Variants in ERICH3 observed in about 807,000 individuals in gnomAD.
The protein encoded by ERICH3 is glutamate rich 3.
A neutral mutation model predicts 131.1 loss-of-function variants in ERICH3; 126 were observed. The ratio of observed to expected loss-of-function variants is 0.96; its 90% CI spans 0.83 to 1.11. The LOEUF is 1.11. ERICH3 is among the 50% of genes most tolerant of loss of function. The pLI is 0.00. For missense variants in ERICH3, 2,050 were observed against 1,810.7 expected, an observed-to-expected ratio of 1.13 and a Z score of -2.40; for synonymous variants, 695 against 644.6, an observed-to-expected ratio of 1.08 and a Z score of -1.18.
At chr1:74,590,973 T>A (rs758487708) in intron 11 of ERICH3, among the ~76,000 whole-genome samples, 13 of 152,170 alleles carry the variant, frequency 8.5e-5, no homozygotes, top group East Asian at 1.9e-4. Context: ...AAGCTTTTTT[T>A]AAAAAAATTT....
intron 9 of ERICH3, among the ~76,000 whole-genome samples, chr1:74,609,304 C>A (rs699849): frequency 0.15 from 22,746 of 151,946 alleles, 1,876 homozygotes; most frequent in East Asian, 0.27. Flanking sequence ...ATATAATTCT[C>A]TGTTGTTTTA....
intron 1 of ERICH3, among the ~76,000 whole-genome samples, chr1:74,658,957 T>G (rs79796083): frequency 3.0e-3 from 461 of 152,326 alleles, no homozygotes; most frequent in African/African-American, 0.011. Flanking sequence ...CATGACACTC[T>G]TAGTTGCTAT....
intron 12 of ERICH3, among the ~76,000 whole-genome samples, chr1:74,583,220 G>T (rs1253344181): frequency 3.9e-5 from 6 of 152,028 alleles, no homozygotes; most frequent in Admixed American, 6.6e-5. Flanking sequence ...GGCTTCAGGG[G>T]TTTTGTTTGT....
At chr1:74,627,408 A>C (rs1034195008) in intron 7 of ERICH3, among the ~76,000 whole-genome samples, 2 of 152,130 alleles carry the variant, frequency 1.3e-5, no homozygotes, top group African/African-American at 4.8e-5. Flanking sequence ...AATTAATAGC[A>C]TAAAATTCTA....
intron 11 of ERICH3, among the ~76,000 whole-genome samples, chr1:74,593,736 A>G (rs1040965125): frequency 6.6e-6 from 1 of 152,136 alleles, no homozygotes; most frequent in African/African-American, 2.4e-5. Context: ...AATCCTATGA[A>G]ATAATAATTA....
intron 12 of ERICH3, 52 bp from the exon 13 acceptor site, chr1:74,576,988 T>C: frequency 3.3e-6 from 5 of 1,501,208 alleles, no homozygotes; most frequent in South Asian, 1.2e-5. Context: ...CACTGTGAAA[T>C]GTACCATGGT....
chr1:74,637,446 C>T (rs1056910927), intron 5 of ERICH3, among the ~76,000 whole-genome samples: 4 of 152,106 alleles, frequency 2.6e-5, no homozygotes, highest in Non-Finnish European at 5.9e-5. Flanking sequence ...TACTTCTTTG[C>T]AAATAGCTTT....
chr1:74,614,313 T>C (rs1009993201), intron 8 of ERICH3, among the ~76,000 whole-genome samples: 1 of 151,510 alleles, frequency 6.6e-6, no homozygotes, highest in African/African-American at 2.4e-5. Flanking sequence ...GAATTATTAT[T>C]TTAATCTATT....
intron 2 of ERICH3, among the ~76,000 whole-genome samples, chr1:74,647,743 T>G (rs2100640894): frequency 6.6e-6 from 1 of 152,298 alleles, no homozygotes; most frequent in South Asian, 2.1e-4. Context: ...TTCTGCTAAC[T>G]GTAGTTTTTA....
At chr1:74,583,570 A>T (rs1438809308) in intron 12 of ERICH3, among the ~76,000 whole-genome samples, 1 of 152,086 alleles carries the variant, frequency 6.6e-6, no homozygotes, top group African/African-American at 2.4e-5. Context: ...AGTAACTGAA[A>T]CTTCAGATAA....
intron 10 of ERICH3, among the ~76,000 whole-genome samples, chr1:74,600,684 G>A (rs1482943288): frequency 6.6e-6 from 1 of 151,674 alleles, no homozygotes; most frequent in South Asian, 2.1e-4. Flanking sequence ...GCTGTCCCTC[G>A]TGGTTATAAT....
chr1:74,660,243 C>T (rs1283647278), intron 1 of ERICH3, among the ~76,000 whole-genome samples: 1 of 152,030 alleles, frequency 6.6e-6, no homozygotes, highest in Non-Finnish European at 1.5e-5. Context: ...TGAGACCTTA[C>T]CAGGAACCTC....
At chr1:74,589,379 T>C in intron 12 of ERICH3, 2 of 549,526 alleles carry the variant, frequency 3.6e-6, no homozygotes, top group South Asian at 2.9e-5. Context: ...GGAATTCCCA[T>C]AGGAGGGAAT....
chr1:74,651,941 T>C (rs554755172), intron 1 of ERICH3, among the ~76,000 whole-genome samples: 1 of 152,264 alleles, frequency 6.6e-6, no homozygotes, highest in African/African-American at 2.4e-5. Context: ...CTAACAAATG[T>C]GTGCACGATG....
chr1:74,619,826 G>A (rs1030979261), intron 8 of ERICH3, among the ~76,000 whole-genome samples: 1 of 152,188 alleles, frequency 6.6e-6, no homozygotes, highest in Non-Finnish European at 1.5e-5. Flanking sequence ...TATCATTTAA[G>A]TGTTTACCAT....
At chr1:74,582,734 A>T (rs913568589) in intron 12 of ERICH3, among the ~76,000 whole-genome samples, 10 of 152,198 alleles carry the variant, frequency 6.6e-5, no homozygotes, top group Admixed American at 3.3e-4. Context: ...GAAATATTAA[A>T]TATTTACTAA....
chr1:74,634,089 A>G (rs925057426), intron 6 of ERICH3, among the ~76,000 whole-genome samples: 1 of 152,120 alleles, frequency 6.6e-6, no homozygotes, highest in African/African-American at 2.4e-5. Flanking sequence ...AAAAGCAATA[A>G]GAGTTTTTTG....
chr1:74,659,535 C>T (rs1384251722), intron 1 of ERICH3, among the ~76,000 whole-genome samples: 1 of 152,130 alleles, frequency 6.6e-6, no homozygotes, highest in East Asian at 1.9e-4. Flanking sequence ...TGCCTGGCCT[C>T]GTACTATCCC....
intron 7 of ERICH3, among the ~76,000 whole-genome samples, chr1:74,626,570 T>G (rs1264212210): frequency 6.6e-6 from 1 of 152,234 alleles, no homozygotes; most frequent in Non-Finnish European, 1.5e-5. Flanking sequence ...GCCTGTACTT[T>G]CCCTTTTATA....
Sources: allele counts gnomAD v4.1 joint callset (sites outside exome capture counted in the v4.1 genomes callset), GRCh38; gene constraint gnomAD v4.1.1; transcripts MANE v1.5; gene names NCBI Gene and HGNC (gene_info 2026-07-23, HGNC 2026-07-21).